The following CTNND2 variants were observed in gnomAD, a reference collection of about 807,000 sequenced individuals.
CTNND2 encodes the protein catenin delta 2, also known as catenin delta-2.
CTNND2 carries 22 observed loss-of-function variants against 144.4 expected under a neutral mutation model. The ratio of observed to expected loss-of-function variants is 0.15; its 90% CI spans 0.11 to 0.22. The LOEUF is 0.22. CTNND2 is among the 10% of genes least tolerant of loss of function. CTNND2 has a pLI of 1.00. For synonymous variants in CTNND2, 751 were observed against 695.6 expected, an observed-to-expected ratio of 1.08 and a Z score of -1.25; for missense variants, 1,353 against 1,618.8, an observed-to-expected ratio of 0.84 and a Z score of 2.82.
intron 3 of CTNND2, among the ~76,000 whole-genome samples, chr5:11,449,408 C>T (rs961154631): frequency 6.6e-6 from 1 of 152,174 alleles, no homozygotes; most frequent in Non-Finnish European, 1.5e-5. Flanking sequence ...TAGCCAAAAA[C>T]CACATTGTTA....
At chr5:11,891,629 C>T (rs533868756) in intron 1 of CTNND2, among the ~76,000 whole-genome samples, 5 of 152,282 alleles carry the variant, frequency 3.3e-5, no homozygotes, top group Non-Finnish European at 5.9e-5. Flanking sequence ...CTACAAAAGG[C>T]CATGTGAGGA....
chr5:11,898,919 G>A (rs1237134858), intron 1 of CTNND2, among the ~76,000 whole-genome samples: 2 of 152,170 alleles, frequency 1.3e-5, no homozygotes, highest in East Asian at 3.9e-4. Flanking sequence ...TAAAAATTAT[G>A]TTGCTGAAGA....
At chr5:11,702,647 C>T (rs1245723189) in intron 2 of CTNND2, among the ~76,000 whole-genome samples, 1 of 152,174 alleles carries the variant, frequency 6.6e-6, no homozygotes, top group African/African-American at 2.4e-5. Flanking sequence ...GATTGCTACA[C>T]CGGATCCTAG....
intron 2 of CTNND2, among the ~76,000 whole-genome samples, chr5:11,644,510 T>C (rs971706244): frequency 1.3e-5 from 2 of 151,908 alleles, no homozygotes; most frequent in African/African-American, 4.8e-5. Flanking sequence ...CTGTCTCTAC[T>C]AAAAATACAA....
rs25932 is a variant in CTNND2, at chr5:11,506,154, A to C, written c.287+58790T>G. Among the ~76,000 whole-genome samples, 1,243 of 151,856 alleles carry C rather than the reference A, an allele frequency of 8.2e-3. 9 individuals are homozygous for C. The highest frequency in any genetic ancestry group is 0.023 in the African/African-American group (960 of 41,392). On this transcript the variant is annotated intron_variant, in intron 3 of 21. Coordinates refer to ENST00000304623, the MANE Select transcript of CTNND2 (RefSeq NM_001332.4). ...TTCCCAACCTACACTGTTAGCCTTG[A>C]CTCCTCCCCAAGCTCCAGACCTACA...
intron 2 of CTNND2, among the ~76,000 whole-genome samples, chr5:11,693,873 C>T (rs996947752): frequency 1.3e-5 from 2 of 152,206 alleles, no homozygotes; most frequent in Non-Finnish European, 2.9e-5. Context: ...TCCTGCAAGC[C>T]TTTGGTCACA....
chr5:11,395,706 A>G (rs910348187), intron 6 of CTNND2, among the ~76,000 whole-genome samples: 32 of 152,374 alleles, frequency 2.1e-4, no homozygotes, highest in African/African-American at 7.7e-4. Flanking sequence ...TAAGACTTAC[A>G]AAGCCACTGA....
rs2126364289 is a variant in CTNND2 at position 11,903,876 on chromosome 5, C to A, written c.-23G>T. On this transcript the variant is annotated 5_prime_UTR_variant, in exon 1 of 22. Transcript: ENST00000304623. This position sits in a 1 kb window ranked among gnomAD's most constrained non-coding sequence, Gnocchi z 5.4. Reference sequence around the variant, plus strand: ...CATGCACCCTCCGCCGGCGACAGCTCCTCAGTCCGGGAAGAGGCGTGCGCG... The same window carrying A: ...CATGCACCCTCCGCCGGCGACAGCTACTCAGTCCGGGAAGAGGCGTGCGCG... 2 of 1,462,656 alleles carry A rather than the reference C, an allele frequency of 1.4e-6. No homozygotes were observed. The highest frequency in any genetic ancestry group is 1.5e-5 in the African/African-American group (1 of 67,844). The allele number at this position is 1,462,656 out of a possible 1,614,324, so 90.6% of individuals were successfully genotyped here. A position where few individuals can be genotyped will look rare whatever the true frequency, so the allele number is the denominator to read the frequency against.
At chr5:11,201,944 T>C (rs902614913) in intron 10 of CTNND2, among the ~76,000 whole-genome samples, 4 of 152,218 alleles carry the variant, frequency 2.6e-5, no homozygotes, top group Admixed American at 1.3e-4. Context: ...CACTTTATTA[T>C]AGTGCTTGAG....
intron 18 of CTNND2, among the ~76,000 whole-genome samples, chr5:10,997,485 G>C (rs999220280): frequency 6.6e-6 from 1 of 151,830 alleles, no homozygotes; most frequent in African/African-American, 2.4e-5. Flanking sequence ...CTAGCTACTC[G>C]GGAGGCTGAG....
intron 2 of CTNND2, among the ~76,000 whole-genome samples, chr5:11,709,186 T>C (rs1330739086): frequency 1.3e-5 from 2 of 152,166 alleles, no homozygotes; most frequent in African/African-American, 4.8e-5. Context: ...CTGAAGAGGC[T>C]GGGAAGATAA....
At chr5:11,294,128 A>T (rs1430147939) in intron 9 of CTNND2, among the ~76,000 whole-genome samples, 1 of 151,310 alleles carries the variant, frequency 6.6e-6, no homozygotes, top group Non-Finnish European at 1.5e-5. Context: ...TTGAGCATGA[A>T]TCCAGCCAGT....
chr5:11,062,422 A>G (rs572610085), intron 16 of CTNND2, among the ~76,000 whole-genome samples: 2 of 152,226 alleles, frequency 1.3e-5, no homozygotes, highest in South Asian at 4.1e-4. Context: ...CTGTAGTCTT[A>G]ATTAGCTTCA....
At chr5:11,033,268 G>A (rs1339763240) in intron 16 of CTNND2, among the ~76,000 whole-genome samples, 1 of 147,974 alleles carries the variant, frequency 6.8e-6, no homozygotes, top group African/African-American at 2.4e-5. Flanking sequence ...TATGAGATAA[G>A]AAGACATCCA....
intron 2 of CTNND2, among the ~76,000 whole-genome samples, chr5:11,653,279 C>T (rs1001819209): frequency 2.6e-5 from 4 of 152,036 alleles, no homozygotes; most frequent in Non-Finnish European, 5.9e-5. Flanking sequence ...CATTATAGTG[C>T]GATTGCTGTG....
intron 7 of CTNND2, among the ~76,000 whole-genome samples, chr5:11,373,561 T>C (rs1757650157): frequency 6.6e-6 from 1 of 152,146 alleles, no homozygotes; most frequent in African/African-American, 2.4e-5. Flanking sequence ...TGGGAGACTT[T>C]TTAAAAGAGG....
chr5:11,485,386 CGT>C (rs1339422637), intron 3 of CTNND2, among the ~76,000 whole-genome samples: 54 of 133,984 alleles, frequency 4.0e-4, no homozygotes, highest in African/African-American at 7.5e-4. Flanking sequence ...CGCGCGCGCG[CGT>C]GCGCGCGCAC....
intron 8 of CTNND2, among the ~76,000 whole-genome samples, chr5:11,350,133 T>A (rs571597052): frequency 2.1e-3 from 324 of 151,992 alleles, no homozygotes; most frequent in Non-Finnish European, 3.8e-3. Flanking sequence ...CAAGACTCCA[T>A]CTCAAAAGAA....
At chr5:11,682,394 T>C (rs987543598) in intron 2 of CTNND2, among the ~76,000 whole-genome samples, 3 of 152,206 alleles carry the variant, frequency 2.0e-5, no homozygotes, top group Admixed American at 6.5e-5. Context: ...ACACAACTTA[T>C]TCAGTAGCAT....
Sources: allele counts gnomAD v4.1 joint callset (sites outside exome capture counted in the v4.1 genomes callset), GRCh38; gene constraint gnomAD v4.1.1; non-coding constraint Gnocchi (gnomAD v3.1); transcripts MANE v1.5; gene names NCBI Gene and HGNC (gene_info 2026-07-23, HGNC 2026-07-21).